Variants in BDP1 observed in about 807,000 individuals in gnomAD.
BDP1 encodes transcription factor TFIIIB component B'' homolog.
In BDP1, 169 loss-of-function variants were observed where a neutral mutation model predicts 266.6. The ratio of observed to expected loss-of-function variants is 0.63; its 90% confidence interval spans 0.56 to 0.72. The LOEUF (loss-of-function observed/expected upper bound fraction) is 0.72. Among genes scored for constraint, BDP1 ranks in the 30% least tolerant of loss-of-function variants. The probability of loss-of-function intolerance (pLI) is 0.00; values close to 1 mark genes in which losing one functional copy is unlikely to be tolerated. For missense variants in BDP1, 3,015 were observed against 3,053.8 expected (o/e 0.99, Z 0.30); for synonymous variants, 1,090 against 1,022.4 (o/e 1.07, Z -1.26).
rs143700660 is a variant in BDP1, at chr5:71,461,131, C to T, written c.490-686C>T. ...AGTAGCTGTGGCTATAGGCATATGC[C>T]ACCACATCCAGCTAATTTTTTTGTA... On this transcript the variant is annotated intron_variant, in intron 2 of 38. Coordinates refer to ENST00000358731, the MANE Select transcript of BDP1 (RefSeq NM_018429.3). Among the ~76,000 whole-genome samples, 217 of 152,196 alleles carry T rather than the reference C, an allele frequency of 1.4e-3. 4 individuals are homozygous for T. In the East Asian group the frequency reaches 0.038, roughly 27 times the overall value.
intron 7 of BDP1, 86 bp downstream of exon 7, chr5:71,470,575 A>C: frequency 2.2e-6 from 2 of 924,896 alleles, no homozygotes; most frequent in Non-Finnish European, 3.3e-6. Flanking sequence ...CTTTGGTTTA[A>C]ATCTTAGTTC....
At chr5:71,545,411 A>G in intron 32 of BDP1, 192 bp downstream of exon 32, 1 of 574,300 alleles carries the variant, frequency 1.7e-6, no homozygotes, top group Non-Finnish European at 3.0e-6. Context: ...AGCTCACTGC[A>G]ACCTCTGCCA....
At position 71,549,411 on chromosome 5, in the gene BDP1, C is replaced by A. The variant is rs374328731; in HGVS notation, c.6809-9C>A. 2.1e-5 allele frequency: 34 copies of A among 1,599,584 alleles called. No individual in the cohort carries two copies. The African/African-American group carries it at 4.6e-4, about 22-fold the overall frequency. On this transcript the variant is annotated splice_polypyrimidine_tract_variant and intron_variant, in intron 33 of 38. Coordinates refer to ENST00000358731, the MANE Select transcript of BDP1 (RefSeq NM_018429.3). ...AGCTTTTTTATTACTAACTTTTAAA[C>A]TTTGATAGTGAATCTAGTTGCTAAT... is the stretch of plus-strand genomic sequence containing the variant.
intron 22 of BDP1, among the ~76,000 whole-genome samples, chr5:71,521,093 C>T (rs557801575): frequency 6.7e-6 from 1 of 150,342 alleles, no homozygotes; most frequent in Non-Finnish European, 1.5e-5. Context: ...GAGACTGAGG[C>T]AGGAGAATCG....
intron 10 of BDP1, among the ~76,000 whole-genome samples, chr5:71,489,919 C>A (rs1001560211): frequency 2.0e-5 from 3 of 152,142 alleles, no homozygotes; most frequent in African/African-American, 7.2e-5. Context: ...GATGTATCAC[C>A]TCCTGTGCAT....
At chr5:71,468,361 C>G (rs1422545749) in intron 6 of BDP1, among the ~76,000 whole-genome samples, 9 of 151,948 alleles carry the variant, frequency 5.9e-5, no homozygotes, top group African/African-American at 1.9e-4. Flanking sequence ...CAGTATGTTG[C>G]CCAGGCTGGT....
rs187545773 is a variant in BDP1 at position 71,510,810 on chromosome 5, G to T, written c.3718G>T (p.Val1240Leu). The change falls in exon 17 of 39, where the codon GTG becomes TTG. Residue 1240 changes from valine to leucine, a missense_variant. By Grantham distance (32) the Val-to-Leu change is conservative. This residue lies in a region of BDP1 where 2,383 missense variants were observed against 2,404.9 expected (regional missense o/e 0.99). Transcript: ENST00000358731. ...AGAAGAAATTTCCCAAAGGGAAAAG[G>T]TGCTAGCAGAGTTCAGTGCTATAAG... ...IREEISQREK[V>L]LAEFSAIREK... is the part of the protein sequence containing the mutation. 1.7e-5 allele frequency: 28 copies of T among 1,613,700 alleles called. No homozygotes were observed. In the East Asian group the frequency reaches 5.8e-4, roughly 33 times the overall value.
At chr5:71,504,781 T>A (rs754663707) in intron 16 of BDP1, 30 bp downstream of exon 16, 133 of 1,600,208 alleles carry the variant, frequency 8.3e-5, no homozygotes, top group Non-Finnish European at 1.0e-4. Flanking sequence ...TATATAATCT[T>A]TGGATTTTGT....
intron 34 of BDP1, 51 bp downstream of exon 34, chr5:71,549,657 C>A (rs1476438547): frequency 6.8e-7 from 1 of 1,472,338 alleles, no homozygotes; most frequent in Non-Finnish European, 9.3e-7. Context: ...GATTTATGAA[C>A]TAAGTAGCAT....
intron 26 of BDP1, chr5:71,537,945 G>A (rs1423711155): frequency 2.0e-5 from 3 of 152,476 alleles, no homozygotes; most frequent in Non-Finnish European, 2.9e-5. Flanking sequence ...CTCCCATCCT[G>A]TCTTATCATT....
chr5:71,575,046 G>C, the BDP1 span, among the ~76,000 whole-genome samples: 1 of 152,200 alleles, frequency 6.6e-6, no homozygotes, highest in Admixed American at 6.5e-5. Flanking sequence ...ATTTTACCTT[G>C]TCTTGGTCCG....
chr5:71,468,397 C>T (rs933880185), intron 6 of BDP1, among the ~76,000 whole-genome samples: 99 of 151,974 alleles, frequency 6.5e-4, no homozygotes, highest in African/African-American at 2.3e-3. Context: ...TCAAGCGATC[C>T]TTTGCCTCCC....
At chr5:71,529,124 G>T (rs554419467) in intron 25 of BDP1, among the ~76,000 whole-genome samples, 1 of 152,276 alleles carries the variant, frequency 6.6e-6, no homozygotes, top group African/African-American at 2.4e-5. Context: ...AGGCACGGTG[G>T]CTCACACCTG....
At chr5:71,534,977 G>A (rs542551876) in intron 26 of BDP1, among the ~76,000 whole-genome samples, 1 of 151,932 alleles carries the variant, frequency 6.6e-6, no homozygotes, top group Non-Finnish European at 1.5e-5. Flanking sequence ...TGGATTGTTC[G>A]TTGCAAGTGT....
intron 7 of BDP1, among the ~76,000 whole-genome samples, chr5:71,483,144 A>C (rs1763058506): frequency 6.6e-6 from 1 of 152,224 alleles, no homozygotes; most frequent in Admixed American, 6.5e-5. Flanking sequence ...CTTTTAATAA[A>C]AACTTGTAGA....
At chr5:71,468,130 T>G (rs1762013753) in intron 6 of BDP1, among the ~76,000 whole-genome samples, 1 of 152,098 alleles carries the variant, frequency 6.6e-6, no homozygotes, top group Non-Finnish European at 1.5e-5. Flanking sequence ...GCGATTCTCC[T>G]GCCTCAGCTT....
intron 11 of BDP1, among the ~76,000 whole-genome samples, chr5:71,491,629 A>G (rs1763601147): frequency 6.6e-6 from 1 of 152,112 alleles, no homozygotes; most frequent in Admixed American, 6.6e-5. Context: ...TTTACCTTGC[A>G]TAACTGCACC....
At chr5:71,568,113 C>T (rs991308546), downstream of BDP1, among the ~76,000 whole-genome samples, 2 of 152,158 alleles carry the variant, frequency 1.3e-5, no homozygotes, top group Non-Finnish European at 1.5e-5. Flanking sequence ...CCACCACACT[C>T]CAGCCTGGAT....
rs781539046 is a variant in BDP1, at chr5:71,541,528, C to G, written c.6097C>G (p.His2033Asp). 1 of 1,605,488 alleles carries G rather than the reference C, an allele frequency of 6.2e-7. No homozygotes were observed. The highest frequency in any genetic ancestry group is 1.7e-5 in the Admixed American group (1 of 59,588). The part of the protein sequence containing the change: ...HIPSSLDNVN[H>D]KIVHECQELS... ...TCCTTCTAGCCTAGATAATGTAAAT[C>G]ACAAAATTGTTCATGAATGTCAGGA... The change falls in exon 29 of 39, where the codon CAC becomes GAC. Residue 2033 changes from histidine (H) to aspartate (D), a missense_variant. This residue lies in a region of BDP1 where 2,383 missense variants were observed against 2,404.9 expected (regional missense o/e 0.99). Coordinates refer to ENST00000358731, the MANE Select transcript of BDP1 (RefSeq NM_018429.3).
Sources: gnomAD v4.1 joint callset for allele counts (sites outside exome capture counted in the v4.1 genomes callset) on GRCh38, gnomAD v4.1.1 for gene constraint, gnomAD v4.1.1 regional missense constraint, MANE v1.5 for transcripts, NCBI Gene and HGNC (gene_info 2026-07-23, HGNC 2026-07-21) for gene names.